The following RAVER2 variants were observed in gnomAD, a reference collection of about 807,000 sequenced individuals.
The protein encoded by RAVER2 is ribonucleoprotein PTB-binding 2.
RAVER2 carries 46 observed loss-of-function variants against 78.1 expected under a neutral mutation model. The ratio of observed to expected loss-of-function variants is 0.59; its 90% CI spans 0.46 to 0.75. The LOEUF (loss-of-function observed/expected upper bound fraction) is 0.75. Ranked by LOEUF, RAVER2 falls within the 30% of genes least tolerant of loss-of-function variation. The pLI, the probability that RAVER2 is intolerant of heterozygous loss-of-function variation, is 0.00. For missense variants in RAVER2, 793 were observed against 837.5 expected (o/e 0.95, Z 0.66); for synonymous variants, 311 against 313.3 (o/e 0.99, Z 0.08).
chr1:64,810,374 G>A (rs1206802906), intron 9 of RAVER2, among the ~76,000 whole-genome samples: 1 of 152,218 alleles, frequency 6.6e-6, no homozygotes, highest in Non-Finnish European at 1.5e-5. Flanking sequence ...AGTGTGTGAT[G>A]AGGATACTGT....
exon 9 of RAVER2, chr1:64,807,360 C>G (rs1391108459): frequency 6.2e-7 from 1 of 1,614,092 alleles, no homozygotes; most frequent in South Asian, 1.1e-5. Flanking sequence ...AAGGAAATTT[C>G]TCAGGGTCGC....
At chr1:64,811,819 C>T (rs556276943) in intron 9 of RAVER2, among the ~76,000 whole-genome samples, 2 of 152,224 alleles carry the variant, frequency 1.3e-5, no homozygotes, top group East Asian at 3.9e-4. Flanking sequence ...GGGGTTGGCA[C>T]CCCTAACCCC....
chr1:64,794,775 A>AT (rs1391230034), intron 5 of RAVER2, among the ~76,000 whole-genome samples: 1 of 151,986 alleles, frequency 6.6e-6, no homozygotes, highest in Non-Finnish European at 1.5e-5. Flanking sequence ...GTTTGCAAAT[A>AT]TTTTTTTAAC....
At chr1:64,829,659 T>C (rs992490132) in intron 11 of RAVER2, among the ~76,000 whole-genome samples, 6 of 152,314 alleles carry the variant, frequency 3.9e-5, no homozygotes, top group South Asian at 4.1e-4. Context: ...TCCTTTCATC[T>C]ACCCTCTCAC....
At chr1:64,779,135 A>G (rs1652556467) in intron 3 of RAVER2, among the ~76,000 whole-genome samples, 1 of 151,920 alleles carries the variant, frequency 6.6e-6, no homozygotes, top group Non-Finnish European at 1.5e-5. Flanking sequence ...TTTTGTGGTA[A>G]GAACACTTAA....
chr1:64,745,314 G>T lies in RAVER2; in HGVS notation c.142G>T (p.Ala48Ser). 2 of 1,521,368 alleles carry T rather than the reference G, an allele frequency of 1.3e-6. No individual in the cohort carries two copies. Among genetic ancestry groups the T allele is most frequent in the Non-Finnish European group, 1.8e-6 (2 of 1,133,168 alleles). 94.2% of individuals were successfully genotyped at this position (1,521,368 alleles called of 1,614,324 possible). Residue 48 changes from alanine to serine, a missense_variant, in exon 1 of 12, where the codon GCG (alanine) becomes TCG (serine). Ala to Ser is a moderately conservative substitution (Grantham distance 99). Transcript: ENST00000294428. This position sits in a 1 kb window ranked among gnomAD's most constrained non-coding sequence, Gnocchi z 4.3. ...GGGCGCCCCGGACCCGATGCCCGCC[G>T]CGCTGCACCCTGAGGAGGTCGCCGC...
chr1:64,815,615 T>A (rs1420315971), intron 11 of RAVER2: 1 of 152,188 alleles, frequency 6.6e-6, no homozygotes. Context: ...TCTTCTCAGA[T>A]CTATCCTGTT....
At chr1:64,788,260 CAGG>C (rs1405503011) in intron 4 of RAVER2, among the ~76,000 whole-genome samples, 1 of 151,766 alleles carries the variant, frequency 6.6e-6, no homozygotes, top group Non-Finnish European at 1.5e-5. Flanking sequence ...ATCACGAGGT[CAGG>C]AGATCAAGAC....
Position 64,814,687 on chromosome 1 carries a change from G to T in RAVER2, c.1793-17G>T. ...AAAATAACCTAAATAAAATAAACTT[G>T]TTGATTCTGCCTTTAGCCCCTGCAA... On this transcript the variant is annotated splice_polypyrimidine_tract_variant and intron_variant, in intron 10 of 11. Transcript: ENST00000294428. 7.3e-7 allele frequency: 1 copy of T among 1,361,122 alleles called. No individual in the cohort carries two copies. The highest frequency in any genetic ancestry group is 9.6e-7 in the Non-Finnish European group (1 of 1,044,450). 84.3% of individuals were successfully genotyped at this position (1,361,122 alleles called of 1,614,324 possible). A position where few individuals can be genotyped will look rare whatever the true frequency, so the allele number is the denominator to read the frequency against.
At chr1:64,809,459 C>T (rs1425129538) in intron 9 of RAVER2, among the ~76,000 whole-genome samples, 3 of 151,068 alleles carry the variant, frequency 2.0e-5, no homozygotes, top group Admixed American at 6.7e-5. Context: ...TTGAGTCTAC[C>T]TTTTTGTTTC....
rs959963932 is a variant in RAVER2 at position 64,745,980 on chromosome 1, TAG to T, written c.249+562_249+563del. On this transcript the variant is annotated intron_variant, in intron 1 of 11. Transcript: ENST00000294428. The surrounding 1 kb of genome is among the most constrained non-coding windows in gnomAD (Gnocchi z 4.3). The stretch of plus-strand genomic sequence containing the variant: ...TTCTCAGTTTGCTAAGGCCCCAGAA[TAG>T]AGTTATTGCTGCGCTCCTTGGAGCC... Among the ~76,000 whole-genome samples, 1 of 152,208 alleles carries T rather than the reference TAG, an allele frequency of 6.6e-6. No individual in the cohort carries two copies. The highest frequency in any genetic ancestry group is 1.9e-4 in the East Asian group (1 of 5,192).
At chr1:64,798,984 T>C (rs1653181112) in intron 5 of RAVER2, among the ~76,000 whole-genome samples, 1 of 152,210 alleles carries the variant, frequency 6.6e-6, no homozygotes, top group Non-Finnish European at 1.5e-5. Context: ...ACAATAAATG[T>C]TTGTTAACTT....
intron 4 of RAVER2, among the ~76,000 whole-genome samples, chr1:64,787,689 C>T (rs1263127142): frequency 2.6e-5 from 4 of 152,190 alleles, no homozygotes; most frequent in African/African-American, 7.2e-5. Flanking sequence ...TCCTGCTGTT[C>T]GTTGGTCCTA....
chr1:64,816,288 A>G (rs1025897963), intron 11 of RAVER2: 1 of 152,104 alleles, frequency 6.6e-6, no homozygotes, highest in African/African-American at 2.4e-5. Flanking sequence ...GCATTACTGT[A>G]TGTCTTCTGC....
chr1:64,814,911 G>A lies in RAVER2; in HGVS notation c.1929+71G>A, dbSNP rs1653718533. Reference sequence around the variant, plus strand: ...ACTATATATTGAGTTCACTGAATATGAAATTGTGATTTCTATATTATTAAC... The same window carrying A: ...ACTATATATTGAGTTCACTGAATATAAAATTGTGATTTCTATATTATTAAC... On this transcript the variant is annotated intron_variant, in intron 11 of 11. Transcript: ENST00000294428. The A allele has an allele frequency of 2.4e-6, 3 of 1,267,690 alleles. No individual in the cohort carries two copies. In the East Asian group the frequency reaches 8.5e-5, roughly 36 times the overall value. The allele number at this position is 1,267,690 out of a possible 1,614,324, so 78.5% of individuals were successfully genotyped here.
Position 64,763,251 on chromosome 1 carries a change from CAT to C in RAVER2, c.250-5404_250-5403del, listed in dbSNP as rs1185271666. 2.1e-3 allele frequency among the ~76,000 whole-genome samples: 316 copies of C among 152,124 alleles called. 1 individual carries two copies. Among genetic ancestry groups the C allele is most frequent in the African/African-American group, 7.4e-3 (307 of 41,492 alleles). ...GGTGGAGCTTGCAGTGAGCCGAGAT[CAT>C]GCCACTGCACTCCAGCCTGGGCGAC... On this transcript the variant is annotated intron_variant, in intron 1 of 11. Transcript: ENST00000294428.
intron 5 of RAVER2, among the ~76,000 whole-genome samples, chr1:64,793,024 G>A (rs534445469): frequency 1.3e-5 from 2 of 152,220 alleles, no homozygotes; most frequent in South Asian, 2.1e-4. Flanking sequence ...CCAACATGGC[G>A]AAACCCCATC....
chr1:64,795,927 GT>G (rs1181712214), intron 5 of RAVER2, among the ~76,000 whole-genome samples: 2 of 151,560 alleles, frequency 1.3e-5, no homozygotes, highest in Admixed American at 6.6e-5. Flanking sequence ...CTTAGCTAGA[GT>G]TTTTTTTCAC....
At position 64,756,372 on chromosome 1, in the gene RAVER2, C is replaced by T. The variant is rs1570527000; in HGVS notation, c.249+10951C>T. On this transcript the variant is annotated intron_variant, in intron 1 of 11. Transcript: ENST00000294428. ...TTCCCCTTCAAGCATTCAGTTTATT[C>T]ATTTATTTATGGCAATATAGGCTCA... 4.6e-5 allele frequency among the ~76,000 whole-genome samples: 7 copies of T among 152,144 alleles called. No individual in the cohort carries two copies. In the East Asian group the frequency reaches 1.4e-3, roughly 29 times the overall value.
Sources: gnomAD v4.1 joint callset for allele counts (sites outside exome capture counted in the v4.1 genomes callset) on GRCh38, gnomAD v4.1.1 for gene constraint, Gnocchi (gnomAD v3.1) non-coding constraint, MANE v1.5 for transcripts, NCBI Gene and HGNC (gene_info 2026-07-23, HGNC 2026-07-21) for gene names.